HPSE2: variants seen among roughly 807,000 people sequenced by gnomAD.
HPSE2 encodes inactive heparanase-2.
Under a neutral mutation model 60.5 loss-of-function variants are expected in HPSE2, and 38 were observed. That is an observed-to-expected ratio of 0.63 (90% CI 0.48 to 0.82). The LOEUF (loss-of-function observed/expected upper bound fraction) is 0.82, where lower values mean the gene tolerates loss of function less well. Ranked by LOEUF, HPSE2 falls within the 40% of genes least tolerant of loss-of-function variation. HPSE2 has a pLI of 0.00. For synonymous variants in HPSE2, 295 were observed against 293.2 expected (o/e 1.01, Z -0.06); for missense variants, 713 against 740.4 (o/e 0.96, Z 0.43).
intron 4 of HPSE2, 77 bp from the exon 5 acceptor site, chr10:98,721,905 C>T: frequency 2.6e-6 from 3 of 1,166,122 alleles, no homozygotes; most frequent in Non-Finnish European, 1.3e-6. Flanking sequence ...ACAGATCTCT[C>T]TGCCTTTTTC....
chr10:98,719,000 G>A (rs1298133413), intron 5 of HPSE2, among the ~76,000 whole-genome samples: 1 of 152,016 alleles, frequency 6.6e-6, no homozygotes, highest in Non-Finnish European at 1.5e-5. Context: ...AAATACGTAC[G>A]ATTTTTATGT....
intron 9 of HPSE2, among the ~76,000 whole-genome samples, chr10:98,537,453 T>C (rs900773608): frequency 3.3e-5 from 5 of 152,218 alleles, no homozygotes. Context: ...AAATTAGATA[T>C]AGAGATGACC....
the HPSE2 span, among the ~76,000 whole-genome samples, chr10:99,268,140 C>T: frequency 2.0e-5 from 3 of 152,144 alleles, no homozygotes; most frequent in East Asian, 5.8e-4. Context: ...GATTGGGGCC[C>T]TATCTTTAGC....
chr10:98,718,719 T>C (rs1489797393), intron 5 of HPSE2, among the ~76,000 whole-genome samples: 1 of 152,074 alleles, frequency 6.6e-6, no homozygotes, highest in Non-Finnish European at 1.5e-5. Context: ...CTCATGCACA[T>C]GTAGGAGCAA....
At chr10:98,838,761 A>T (rs772731064) in intron 3 of HPSE2, among the ~76,000 whole-genome samples, 68 of 152,082 alleles carry the variant, frequency 4.5e-4, no homozygotes, top group Non-Finnish European at 9.0e-4. Context: ...TCACATCACT[A>T]GCACAGTGCT....
intron 9 of HPSE2, among the ~76,000 whole-genome samples, chr10:98,563,506 A>G (rs918247285): frequency 3.3e-5 from 5 of 152,214 alleles, no homozygotes; most frequent in Non-Finnish European, 5.9e-5. Context: ...CAATTCTGTA[A>G]CTATGCTAAA....
intron 9 of HPSE2, among the ~76,000 whole-genome samples, chr10:98,599,361 TG>T (rs1945334819): frequency 6.6e-6 from 1 of 151,756 alleles, no homozygotes; most frequent in African/African-American, 2.4e-5. Flanking sequence ...ACTGCAGGGG[TG>T]GTTTGGATAC....
chr10:98,662,851 C>G (rs1055272357), intron 6 of HPSE2, among the ~76,000 whole-genome samples: 2 of 151,880 alleles, frequency 1.3e-5, no homozygotes, highest in Non-Finnish European at 2.9e-5. Flanking sequence ...CAGTATAGCT[C>G]AAAAAATACT....
intron 4 of HPSE2, among the ~76,000 whole-genome samples, chr10:98,731,272 C>T (rs1414648772): frequency 1.3e-5 from 2 of 150,288 alleles, no homozygotes; most frequent in African/African-American, 2.4e-5. Flanking sequence ...GAGTGAGACC[C>T]TTTCTCAAAA....
intron 3 of HPSE2, among the ~76,000 whole-genome samples, chr10:99,106,892 A>G (rs1176368617): frequency 6.6e-6 from 1 of 152,072 alleles, no homozygotes; most frequent in Non-Finnish European, 1.5e-5. Flanking sequence ...GTTTTTTGAG[A>G]TGGCATCTCA....
intron 3 of HPSE2, among the ~76,000 whole-genome samples, chr10:98,952,120 T>G (rs1955373105): frequency 6.6e-6 from 1 of 152,182 alleles, no homozygotes; most frequent in Admixed American, 6.5e-5. Context: ...TGATTCTATT[T>G]CATAGGATTT....
At chr10:99,121,621 T>C (rs1279040387) in intron 3 of HPSE2, among the ~76,000 whole-genome samples, 2 of 152,212 alleles carry the variant, frequency 1.3e-5, no homozygotes, top group African/African-American at 2.4e-5. Flanking sequence ...ATATCAATTA[T>C]TGTCTATTAC....
At chr10:99,002,182 TATAAA>T (rs781754682) in intron 3 of HPSE2, among the ~76,000 whole-genome samples, 7 of 152,020 alleles carry the variant, frequency 4.6e-5, no homozygotes, top group African/African-American at 1.4e-4. Context: ...TAACCCAAAA[TATAAA>T]ATAAATATCC....
intron 3 of HPSE2, among the ~76,000 whole-genome samples, chr10:98,812,040 T>C (rs1951180125): frequency 6.6e-6 from 1 of 152,172 alleles, no homozygotes; most frequent in South Asian, 2.1e-4. Context: ...TCTCAGTTAG[T>C]TCCAGCGACA....
At chr10:99,164,025 A>G (rs1215135636) in intron 2 of HPSE2, among the ~76,000 whole-genome samples, 1 of 151,468 alleles carries the variant, frequency 6.6e-6, no homozygotes, top group Non-Finnish European at 1.5e-5. Context: ...ATTTTGTAGG[A>G]GATATTTTAA....
At chr10:98,822,629 G>T (rs954784644) in intron 3 of HPSE2, among the ~76,000 whole-genome samples, 2 of 152,054 alleles carry the variant, frequency 1.3e-5, no homozygotes, top group Admixed American at 1.3e-4. Flanking sequence ...GACAAAGACT[G>T]TCAGCTAAAC....
intron 2 of HPSE2, among the ~76,000 whole-genome samples, chr10:99,155,071 C>G (rs1177594290): frequency 1.4e-5 from 2 of 145,850 alleles, no homozygotes; most frequent in Admixed American, 1.4e-4. Flanking sequence ...AATATATATG[C>G]ACCCAATACA....
chr10:98,499,140 A>C (rs1941947710), intron 9 of HPSE2, among the ~76,000 whole-genome samples: 1 of 152,188 alleles, frequency 6.6e-6, no homozygotes, highest in African/African-American at 2.4e-5. Flanking sequence ...CAAATACAAG[A>C]AGCACAAAAA....
chr10:98,974,620 T>C (rs552469357), intron 3 of HPSE2, among the ~76,000 whole-genome samples: 22 of 152,322 alleles, frequency 1.4e-4, no homozygotes, highest in East Asian at 1.9e-4. Context: ...ACAGCAACTT[T>C]ATAGACAAAA....
Sources: allele counts gnomAD v4.1 joint callset (sites outside exome capture counted in the v4.1 genomes callset), GRCh38; gene constraint gnomAD v4.1.1; transcripts MANE v1.5; gene names NCBI Gene and HGNC (gene_info 2026-07-23, HGNC 2026-07-21).